The following ARID4B variants were observed in gnomAD, a reference collection of about 807,000 sequenced individuals.
The protein encoded by ARID4B is AT-rich interaction domain 4B.
Under a neutral mutation model 147.5 loss-of-function variants are expected in ARID4B, and 26 were observed. The ratio of observed to expected loss-of-function variants is 0.18; its 90% CI spans 0.13 to 0.24. The LOEUF is 0.24. Among genes scored for constraint, ARID4B ranks in the 10% least tolerant of loss-of-function variants. The pLI, the probability that ARID4B is intolerant of heterozygous loss-of-function variation, is 1.00. For missense variants in ARID4B, 1,179 were observed against 1,511.5 expected (o/e 0.78, Z 3.65); for synonymous variants, 512 against 507.9 (o/e 1.01, Z -0.11).
intron 2 of ARID4B, among the ~76,000 whole-genome samples, chr1:235,317,836 A>G (rs1489676320): frequency 6.6e-6 from 1 of 152,196 alleles, no homozygotes; most frequent in African/African-American, 2.4e-5. Context: ...TAAATATTGA[A>G]TTAATTTTTT....
At chr1:235,220,037 CT>C in intron 15 of ARID4B, 69 bp from the exon 16 acceptor site, 1 of 1,024,288 alleles carries the variant, frequency 9.8e-7, no homozygotes, top group Non-Finnish European at 1.3e-6. Flanking sequence ...TGGTTTATCT[CT>C]TAGCAACAGG....
rs1664400814 is a variant in ARID4B, at chr1:235,182,706, A to G, written c.2213T>C (p.Ile738Thr). 1 of 1,613,666 alleles carries G rather than the reference A, an allele frequency of 6.2e-7. No homozygotes were observed. Among genetic ancestry groups the G allele is most frequent in the Admixed American group, 1.7e-5 (1 of 60,004 alleles). Residue 738 changes from isoleucine to threonine, a missense_variant, in exon 20 of 24, where the codon ATT becomes ACT. Transcript: ENST00000264183. ...ATTTCTGTTGTTGGTCAAATGATCA[A>G]TCTTAGATTCCTCTTTGCCATTATT... is the stretch of plus-strand genomic sequence containing the variant. ...MDNNGKEESK[I>T]DHLTNNRNDL...
Position 235,327,200 on chromosome 1 carries a change from G to C in ARID4B, c.-49-232C>G, listed in dbSNP as rs935193360. On this transcript the variant is annotated intron_variant, in intron 1 of 23. Coordinates refer to ENST00000264183, the MANE Select transcript of ARID4B (RefSeq NM_016374.6). ...CCCGTCCCCATTGTCGAGACCCGAC[G>C]GAGTTTCCCGTCTACGACAATGACG... 4.5e-5 allele frequency: 18 copies of C among 403,302 alleles called. 1 individual carries two copies. The South Asian group carries it at 6.1e-4, about 14-fold the overall frequency. The allele number at this position is 403,302 out of a possible 1,614,324, so 25.0% of individuals were successfully genotyped here.
At position 235,194,032 on chromosome 1, in the gene ARID4B, C is replaced by G. The variant is rs143667158; in HGVS notation, c.2106G>C (p.Ser702=). ...GTTTACCTTGAAGTCCATTAAGGAT[C>G]GAAGTAATTTCTATGGACTTAATAT... The part of the protein sequence containing the change: ...TAHIKSIEIT[S]ILNGLQASES... The change falls in exon 19 of 24, where the codon TCG becomes TCC. Residue 702 remains serine (S), a synonymous_variant. Transcript: ENST00000264183. The G allele has an allele frequency of 5.0e-6, 8 of 1,606,134 alleles. No homozygotes were observed. The African/African-American group carries it at 5.4e-5, about 11-fold the overall frequency.
intron 5 of ARID4B, among the ~76,000 whole-genome samples, chr1:235,253,545 A>G (rs889567128): frequency 2.0e-5 from 3 of 152,222 alleles, no homozygotes; most frequent in Non-Finnish European, 2.9e-5. Flanking sequence ...ATTACTTCAC[A>G]ATATATTTGC....
intron 2 of ARID4B, among the ~76,000 whole-genome samples, chr1:235,295,099 TAGAC>T (rs1235531511): frequency 2.6e-5 from 4 of 152,110 alleles, no homozygotes; most frequent in South Asian, 2.1e-4. Flanking sequence ...AGGATGTAAA[TAGAC>T]AGACAAAGGA....
intron 8 of ARID4B, among the ~76,000 whole-genome samples, chr1:235,234,966 T>C (rs1460766419): frequency 6.6e-6 from 1 of 152,192 alleles, no homozygotes; most frequent in Non-Finnish European, 1.5e-5. Flanking sequence ...AAAATCTACT[T>C]TGGCTGCTAT....
At chr1:235,203,326 C>A (rs1666079362) in intron 17 of ARID4B, among the ~76,000 whole-genome samples, 1 of 151,896 alleles carries the variant, frequency 6.6e-6, no homozygotes, top group Non-Finnish European at 1.5e-5. Context: ...GTTAATATGC[C>A]CACATCAATT....
intron 14 of ARID4B, among the ~76,000 whole-genome samples, chr1:235,221,159 A>T (rs775969236): frequency 6.6e-6 from 1 of 152,198 alleles, no homozygotes; most frequent in Non-Finnish European, 1.5e-5. Flanking sequence ...CGGCCTCCCA[A>T]AGTGCTGAAG....
chr1:235,284,311 G>T (rs760730761), intron 2 of ARID4B, among the ~76,000 whole-genome samples: 2 of 152,146 alleles, frequency 1.3e-5, no homozygotes, highest in Non-Finnish European at 2.9e-5. Context: ...AGTGAGCCAA[G>T]ATTATGCCAC....
chr1:235,229,408 A>G (rs780170443), intron 10 of ARID4B, 23 bp from the exon 11 acceptor site: 18 of 1,486,012 alleles, frequency 1.2e-5, no homozygotes, highest in Admixed American at 5.9e-5. Context: ...CACAAGGTAC[A>G]TGAACTGAAG....
chr1:235,287,766 A>G (rs998605644), intron 2 of ARID4B, among the ~76,000 whole-genome samples: 1 of 152,246 alleles, frequency 6.6e-6, no homozygotes, highest in Non-Finnish European at 1.5e-5. Flanking sequence ...AAATTAATGC[A>G]TGAATTCATT....
In ARID4B at chr1:235,240,306, T is replaced by A; in HGVS notation, c.585+7A>T. 1.2e-6 allele frequency: 2 copies of A among 1,607,894 alleles called. No individual in the cohort carries two copies. The highest frequency in any genetic ancestry group is 1.7e-6 in the Non-Finnish European group (2 of 1,177,508). On this transcript the variant is annotated splice_region_variant and intron_variant, in intron 8 of 23. Transcript: ENST00000264183. ...AAATTAAACTCTTGTATACTGAAGC[T>A]ACTCACCAATGCAGGAAACCACAGT...
intron 2 of ARID4B, among the ~76,000 whole-genome samples, chr1:235,300,469 T>C (rs191270514): frequency 6.6e-6 from 1 of 151,854 alleles, no homozygotes; most frequent in African/African-American, 2.4e-5. Flanking sequence ...TGAGTTCAAC[T>C]CTATGCTCTA....
At chr1:235,197,398 C>A (rs545920160) in intron 17 of ARID4B, among the ~76,000 whole-genome samples, 42 of 152,174 alleles carry the variant, frequency 2.8e-4, no homozygotes, top group Non-Finnish European at 4.7e-4. Flanking sequence ...AAATTATATT[C>A]TTACTCTAGC....
intron 2 of ARID4B, among the ~76,000 whole-genome samples, chr1:235,288,282 C>G (rs1672116258): frequency 6.6e-6 from 1 of 151,784 alleles, no homozygotes; most frequent in Non-Finnish European, 1.5e-5. Context: ...GCACTCCAGC[C>G]TGAAAAACAG....
intron 11 of ARID4B, among the ~76,000 whole-genome samples, chr1:235,225,068 GTTTTGT>G (rs143777555): frequency 0.3 from 44,005 of 144,704 alleles, 7,534 homozygotes; most frequent in South Asian, 0.54. Context: ...GTTTTGTTTT[GTTTTGT>G]TTTTTTTACC....
chr1:235,305,482 C>T (rs1265525734), intron 2 of ARID4B, among the ~76,000 whole-genome samples: 4 of 152,142 alleles, frequency 2.6e-5, no homozygotes, highest in Admixed American at 2.6e-4. Flanking sequence ...ATTAAAGAGG[C>T]AGAAACAGCA....
chr1:235,236,363 T>A (rs1238356162), intron 8 of ARID4B, among the ~76,000 whole-genome samples: 1 of 152,050 alleles, frequency 6.6e-6, no homozygotes, highest in Non-Finnish European at 1.5e-5. Context: ...ATATTAAAAA[T>A]CCTTAGATTT....
Sources: gnomAD v4.1 joint callset for allele counts (sites outside exome capture counted in the v4.1 genomes callset) on GRCh38, gnomAD v4.1.1 for gene constraint, MANE v1.5 for transcripts, NCBI Gene and HGNC (gene_info 2026-07-23, HGNC 2026-07-21) for gene names.